Variants in DENND11 observed in about 807,000 individuals in gnomAD.
The protein encoded by DENND11 is DENN domain containing 11.
In DENND11, 34 loss-of-function variants were observed where a neutral mutation model predicts 49.2. The observed-to-expected ratio is 0.69, with a 90% CI of 0.53 to 0.92. The LOEUF is 0.92. DENND11 is among the 40% of genes least tolerant of loss of function. The pLI, the probability that DENND11 is intolerant of heterozygous loss-of-function variation, is 0.00. For missense variants in DENND11, 475 were observed against 581.6 expected, an observed-to-expected ratio of 0.82 and a Z score of 1.88; for synonymous variants, 238 against 230.3, an observed-to-expected ratio of 1.03 and a Z score of -0.30.
Position 141,664,177 on chromosome 7 carries a change from G to C in DENND11, c.1167C>G (p.Phe389Leu), listed in dbSNP as rs199793084. Residue 389 changes from phenylalanine (F) to leucine (L), a missense_variant, in exon 8 of 9, where the codon TTC becomes TTG. Physicochemically the swap from Phe to Leu is conservative, Grantham distance 22 (BLOSUM62 0). Coordinates refer to ENST00000536163, the MANE Select transcript of DENND11 (RefSeq NM_001080392.2). Reference sequence around the variant, plus strand: ...TCCACGGCCCCAGGACTCACAGCACGAAGAGGTCCTCTTCACAAGGGTTGT... The same window carrying C: ...TCCACGGCCCCAGGACTCACAGCACCAAGAGGTCCTCTTCACAAGGGTTGT... Reference protein sequence around the residue: ...EDYNPCEEDLFVLFFLEQNNR... With the variant: ...EDYNPCEEDLLVLFFLEQNNR... 8.2e-6 allele frequency: 13 copies of C among 1,578,666 alleles called. No individual in the cohort carries two copies. In the Admixed American group the frequency reaches 1.3e-4, roughly 15 times the overall value.
At chr7:141,696,887 C>A (rs1441698749) in intron 1 of DENND11, among the ~76,000 whole-genome samples, 1 of 152,166 alleles carries the variant, frequency 6.6e-6, no homozygotes, top group Non-Finnish European at 1.5e-5. Flanking sequence ...GTCTTAAAAC[C>A]ACCTAGTCTG....
intron 1 of DENND11, among the ~76,000 whole-genome samples, chr7:141,687,358 C>T (rs868829563): frequency 6.6e-6 from 1 of 152,148 alleles, no homozygotes; most frequent in Non-Finnish European, 1.5e-5. Context: ...GATACAAAGT[C>T]CCTGACCTCA....
chr7:141,662,388 C>G lies in DENND11; in HGVS notation c.*268G>C, dbSNP rs1440447796. 2.1e-5 allele frequency: 8 copies of G among 388,026 alleles called. No individual in the cohort carries two copies. The East Asian group carries it at 3.1e-4, about 15-fold the overall frequency. The allele number at this position is 388,026 out of a possible 1,614,324, so 24.0% of individuals were successfully genotyped here. ...TCAGCCTACTCCTAGTGATACAACT[C>G]CCATGACCAAGCCCAGAGGACCAGC... On this transcript the variant is annotated 3_prime_UTR_variant, in exon 9 of 9. Transcript: ENST00000536163.
intron 3 of DENND11, among the ~76,000 whole-genome samples, chr7:141,679,057 A>T (rs1713833759): frequency 6.6e-6 from 1 of 152,270 alleles, no homozygotes; most frequent in African/African-American, 2.4e-5. Flanking sequence ...AAGAAATATA[A>T]AACACAGATT....
At chr7:141,677,537 A>G (rs972957578) in intron 3 of DENND11, among the ~76,000 whole-genome samples, 2 of 143,406 alleles carry the variant, frequency 1.4e-5, no homozygotes, top group Non-Finnish European at 3.0e-5. Flanking sequence ...ATATATATAT[A>G]TCTGTCTGAA....
chr7:141,698,895 G>A (rs942340725), intron 1 of DENND11, among the ~76,000 whole-genome samples: 5 of 151,900 alleles, frequency 3.3e-5, no homozygotes, highest in Non-Finnish European at 7.4e-5. Flanking sequence ...CACATTACAT[G>A]GGAAGATGCA....
Position 141,664,158 on chromosome 7 carries a change from G to A in DENND11, c.1172+14C>T. 6.4e-7 allele frequency: 1 copy of A among 1,567,988 alleles called. No individual in the cohort carries two copies. Among genetic ancestry groups the A allele is most frequent in the South Asian group, 1.2e-5 (1 of 85,400 alleles). Reference sequence around the variant, plus strand: ...TCCTCAGGGAGACTCCACATCCACGGCCCCAGGACTCACAGCACGAAGAGG... The same window carrying A: ...TCCTCAGGGAGACTCCACATCCACGACCCCAGGACTCACAGCACGAAGAGG... On this transcript the variant is annotated intron_variant, in intron 8 of 8. Transcript: ENST00000536163.
chr7:141,666,789 C>A (rs970109885), intron 4 of DENND11, among the ~76,000 whole-genome samples: 4 of 152,200 alleles, frequency 2.6e-5, no homozygotes, highest in Non-Finnish European at 5.9e-5. Flanking sequence ...TAAGTAATAA[C>A]ATGATGAGCA....
At chr7:141,673,881 T>C (rs1798023336) in intron 4 of DENND11, among the ~76,000 whole-genome samples, 186 bp downstream of exon 4, 2 of 152,330 alleles carry the variant, frequency 1.3e-5, no homozygotes, top group South Asian at 2.1e-4. Context: ...AGAAAGCATA[T>C]TGTTTAAGAT....
At chr7:141,689,039 G>A (rs117590524) in intron 1 of DENND11, among the ~76,000 whole-genome samples, 2,000 of 152,274 alleles carry the variant, frequency 0.013, 27 homozygotes, top group South Asian at 0.045. Flanking sequence ...GGTTCAGCTA[G>A]CTCAAATTTA....
At chr7:141,672,403 A>G (rs1797996728) in intron 4 of DENND11, among the ~76,000 whole-genome samples, 1 of 152,214 alleles carries the variant, frequency 6.6e-6, no homozygotes, top group South Asian at 2.1e-4. Context: ...TCCTGCTAGT[A>G]TACTCTCTTA....
rs35125206 is a variant in DENND11, at chr7:141,674,230, A to AACACACACACACACACACACACACACAC, written c.528-38_528-11dup. 259 of 1,494,488 alleles carry AACACACACACACACACACACACACACAC rather than the reference A, an allele frequency of 1.7e-4. No individual in the cohort carries two copies. The African/African-American group carries it at 3.2e-3, about 18-fold the overall frequency. 92.6% of individuals were successfully genotyped at this position (1,494,488 alleles called of 1,614,324 possible). A position where few individuals can be genotyped will look rare whatever the true frequency, so the allele number is the denominator to read the frequency against. On this transcript the variant is annotated splice_polypyrimidine_tract_variant and intron_variant, in intron 3 of 8. Coordinates refer to ENST00000536163, the MANE Select transcript of DENND11 (RefSeq NM_001080392.2). ...CATCTCCAACTGGTGCCTGCAGAAA[A>AACACACACACACACACACACACACACAC]ACACACACACACACACACACACACA...
At chr7:141,691,268 G>A (rs891327996) in intron 1 of DENND11, among the ~76,000 whole-genome samples, 5 of 152,214 alleles carry the variant, frequency 3.3e-5, no homozygotes, top group Admixed American at 6.5e-5. Context: ...GGGGATGCTG[G>A]AGCCATTGGT....
chr7:141,701,868 C>A lies in DENND11; in HGVS notation c.268+18G>T. ...ACCCCGACCCTCCCCACGCGCCTGG[C>A]CCCGGCGCGGCCCTCACCCGAGCGG... On this transcript the variant is annotated intron_variant, in intron 1 of 8. Coordinates refer to ENST00000536163, the MANE Select transcript of DENND11 (RefSeq NM_001080392.2). 8.5e-7 allele frequency: 1 copy of A among 1,181,898 alleles called. No individual in the cohort carries two copies. Among genetic ancestry groups the A allele is most frequent in the Non-Finnish European group, 1.0e-6 (1 of 956,022 alleles). 73.2% of individuals were successfully genotyped at this position (1,181,898 alleles called of 1,614,324 possible).
rs143045946 is a variant in DENND11 at position 141,697,722 on chromosome 7, A to G, written c.268+4164T>C. Among the ~76,000 whole-genome samples the G allele has an allele frequency of 3.0e-3, 459 of 152,016 alleles. 3 individuals are homozygous for G. Among genetic ancestry groups the G allele is most frequent in the African/African-American group, 0.011 (442 of 41,454 alleles). The stretch of plus-strand genomic sequence containing the variant: ...AGACACCAGACCTAGCCCTATTCTC[A>G]CTGGGCCTCCATCATCTCCATTGTT... On this transcript the variant is annotated intron_variant, in intron 1 of 8. Coordinates refer to ENST00000536163, the MANE Select transcript of DENND11 (RefSeq NM_001080392.2).
At chr7:141,696,377 G>C (rs1480746876) in intron 1 of DENND11, among the ~76,000 whole-genome samples, 1 of 152,218 alleles carries the variant, frequency 6.6e-6, no homozygotes, top group Non-Finnish European at 1.5e-5. Flanking sequence ...CTGTCTGCTA[G>C]AAAGTTCACC....
At chr7:141,694,616 T>C (rs1345536225) in intron 1 of DENND11, among the ~76,000 whole-genome samples, 1 of 152,134 alleles carries the variant, frequency 6.6e-6, no homozygotes, top group Non-Finnish European at 1.5e-5. Flanking sequence ...CAACTTACTT[T>C]CAAATAGTTC....
chr7:141,696,570 C>A (rs1415410749), intron 1 of DENND11, among the ~76,000 whole-genome samples: 3 of 152,194 alleles, frequency 2.0e-5, no homozygotes, highest in Non-Finnish European at 2.9e-5. Flanking sequence ...GCTCCTCTGA[C>A]CTCAGGAGTG....
intron 1 of DENND11, among the ~76,000 whole-genome samples, chr7:141,694,980 T>C (rs1798389696): frequency 6.6e-6 from 1 of 152,198 alleles, no homozygotes; most frequent in Middle Eastern, 3.2e-3. Context: ...CACCTCCAGA[T>C]ACAAACACCA....
Sources: allele counts gnomAD v4.1 joint callset (sites outside exome capture counted in the v4.1 genomes callset), GRCh38; gene constraint gnomAD v4.1.1; transcripts MANE v1.5; gene names NCBI Gene and HGNC (gene_info 2026-07-23, HGNC 2026-07-21).